PTPRG: variants seen among roughly 807,000 people sequenced by gnomAD.
PTPRG encodes the protein protein tyrosine phosphatase receptor type G, also known as receptor-type tyrosine-protein phosphatase gamma.
In PTPRG, 102 loss-of-function variants were observed where a neutral mutation model predicts 165.3. The observed-to-expected ratio is 0.62, with a 90% confidence interval of 0.53 to 0.73. PTPRG has a LOEUF of 0.73. Ranked by LOEUF, PTPRG falls within the 30% of genes least tolerant of loss-of-function variation. PTPRG has a pLI of 0.00. For missense variants in PTPRG, 1,866 were observed against 1,861.4 expected (o/e 1.00, Z -0.05); for synonymous variants, 675 against 669.5 (o/e 1.01, Z -0.13).
chr3:61,959,117 A>G (rs953016713), intron 2 of PTPRG, among the ~76,000 whole-genome samples: 2 of 152,196 alleles, frequency 1.3e-5, no homozygotes, highest in African/African-American at 4.8e-5. Context: ...GTAATGACTT[A>G]CCAGGAATGC....
At chr3:61,895,933 T>G (rs1321568983) in intron 2 of PTPRG, among the ~76,000 whole-genome samples, 1 of 149,940 alleles carries the variant, frequency 6.7e-6, no homozygotes, top group African/African-American at 2.5e-5. Flanking sequence ...GAGATATCAC[T>G]TATATACTTT....
At chr3:61,949,511 C>T (rs2039845001) in intron 2 of PTPRG, among the ~76,000 whole-genome samples, 2 of 152,042 alleles carry the variant, frequency 1.3e-5, no homozygotes, top group African/African-American at 4.8e-5. Flanking sequence ...CCACATGCCT[C>T]AATGAGGGTC....
chr3:62,040,764 A>G (rs1434524036), intron 4 of PTPRG, among the ~76,000 whole-genome samples: 2 of 152,192 alleles, frequency 1.3e-5, no homozygotes, highest in Non-Finnish European at 2.9e-5. Context: ...TAAGTGGAAA[A>G]TAGAGCACCG....
intron 2 of PTPRG, among the ~76,000 whole-genome samples, chr3:61,882,907 C>T (rs946979616): frequency 3.9e-5 from 6 of 152,198 alleles, no homozygotes; most frequent in Admixed American, 3.9e-4. Context: ...TCCTCTGCTG[C>T]CATCTCAGGC....
intron 2 of PTPRG, among the ~76,000 whole-genome samples, chr3:61,794,240 T>C (rs2034982908): frequency 6.6e-6 from 1 of 152,202 alleles, no homozygotes; most frequent in African/African-American, 2.4e-5. Flanking sequence ...TATGGACTTG[T>C]GTGTGGGGGG....
rs1700337908 is a variant in PTPRG, at chr3:62,210,654, G to T, written c.2155+6704G>T. On this transcript the variant is annotated intron_variant, in intron 12 of 29. Transcript: ENST00000474889. The surrounding 1 kb of genome is among the most constrained non-coding windows in gnomAD (Gnocchi z 4.1). Reference sequence around the variant, plus strand: ...TTTCTTCTGTCTCTGCTACCCCTGAGAGAGCAAGACCAACCCCTTTTCATT... The same window carrying T: ...TTTCTTCTGTCTCTGCTACCCCTGATAGAGCAAGACCAACCCCTTTTCATT... Among the ~76,000 whole-genome samples, 1 of 152,008 alleles carries T rather than the reference G, an allele frequency of 6.6e-6. No homozygotes were observed. Among genetic ancestry groups the T allele is most frequent in the Non-Finnish European group, 1.5e-5 (1 of 68,014 alleles).
intron 2 of PTPRG, among the ~76,000 whole-genome samples, chr3:61,984,919 G>A (rs762078471): frequency 1.3e-5 from 2 of 152,192 alleles, no homozygotes; most frequent in Non-Finnish European, 2.9e-5. Flanking sequence ...ATTTGGGTTT[G>A]TCTGATGTAT....
chr3:61,788,180 G>A lies in PTPRG; in HGVS notation c.190+39198G>A, dbSNP rs563420930. 2.0e-5 allele frequency among the ~76,000 whole-genome samples: 3 copies of A among 152,236 alleles called. No homozygotes were observed. In the East Asian group the frequency reaches 5.8e-4, roughly 29 times the overall value. ...TTTCAGCATCAACGTGTGCTGCATG[G>A]CGTCTTCTAAGTATCAAAGCAGAGA... On this transcript the variant is annotated intron_variant, in intron 2 of 29. Coordinates refer to ENST00000474889, the MANE Select transcript of PTPRG (RefSeq NM_002841.4).
At chr3:62,232,775 T>G (rs927413970) in intron 14 of PTPRG, among the ~76,000 whole-genome samples, 1 of 152,234 alleles carries the variant, frequency 6.6e-6, no homozygotes, top group African/African-American at 2.4e-5. Context: ...ACAATCAGTT[T>G]CATCTAGGTC....
At chr3:61,893,114 G>T (rs745418382) in intron 2 of PTPRG, among the ~76,000 whole-genome samples, 4 of 152,218 alleles carry the variant, frequency 2.6e-5, no homozygotes, top group Non-Finnish European at 5.9e-5. Flanking sequence ...GATGAATGCT[G>T]CTGGGAGCCA....
chr3:61,573,771 T>G (rs1011108538), intron 1 of PTPRG, among the ~76,000 whole-genome samples: 1 of 152,208 alleles, frequency 6.6e-6, no homozygotes, highest in Non-Finnish European at 1.5e-5. Flanking sequence ...TGTCACTGTA[T>G]GTAGTTTCAA....
intron 2 of PTPRG, among the ~76,000 whole-genome samples, chr3:61,839,209 A>G (rs1575708976): frequency 1.3e-5 from 2 of 152,240 alleles, no homozygotes; most frequent in African/African-American, 4.8e-5. Context: ...TGGAGGCAGG[A>G]AAAGCTTATT....
chr3:61,922,664 A>G (rs899356003), intron 2 of PTPRG, among the ~76,000 whole-genome samples: 1 of 152,186 alleles, frequency 6.6e-6, no homozygotes, highest in African/African-American at 2.4e-5. Flanking sequence ...CTTTTGAGGC[A>G]GGCTCTTACT....
chr3:61,919,991 A>G (rs1365056209), intron 2 of PTPRG, among the ~76,000 whole-genome samples: 2 of 152,236 alleles, frequency 1.3e-5, no homozygotes, highest in Non-Finnish European at 2.9e-5. Context: ...CCAGGATTCC[A>G]GGCACTAGTT....
intron 2 of PTPRG, among the ~76,000 whole-genome samples, chr3:61,899,548 GC>G (rs1315288566): frequency 6.6e-6 from 1 of 152,098 alleles, no homozygotes; most frequent in East Asian, 1.9e-4. Context: ...TTTCAGTCTT[GC>G]TTGGAACATT....
chr3:61,860,070 C>T (rs1179861411), intron 2 of PTPRG, among the ~76,000 whole-genome samples: 2 of 152,124 alleles, frequency 1.3e-5, no homozygotes, highest in Admixed American at 6.5e-5. Flanking sequence ...CCTGTTTGTA[C>T]ACCAATCCAT....
At chr3:61,706,314 C>T (rs2031254062) in intron 1 of PTPRG, among the ~76,000 whole-genome samples, 1 of 151,986 alleles carries the variant, frequency 6.6e-6, no homozygotes, top group African/African-American at 2.4e-5. Context: ...AACACTCTGA[C>T]CTATTTCTCT....
intron 1 of PTPRG, among the ~76,000 whole-genome samples, chr3:61,745,120 G>T (rs183365174): frequency 7.1e-6 from 1 of 140,028 alleles, no homozygotes; most frequent in African/African-American, 2.7e-5. Context: ...GCGTGATCTC[G>T]GCTCTCTGCA....
rs779782866 is a variant in PTPRG, at chr3:61,989,657, A to G, written c.223A>G (p.Ser75Gly). The G allele has an allele frequency of 6.2e-6, 10 of 1,613,980 alleles. No homozygotes were observed. In the African/African-American group the frequency reaches 1.3e-4, roughly 22 times the overall value. The change falls in exon 3 of 30, where the codon AGT becomes GGT. Residue 75 changes from serine to glycine, a missense_variant. Coordinates refer to ENST00000474889, the MANE Select transcript of PTPRG (RefSeq NM_002841.4). ...TGGTCCTGAGCACTGGGTCACGTCT[A>G]GTGTCAGCTGTGGGGGCCGTCACCA... Reference protein sequence around the residue: ...AYGPEHWVTSSVSCGGRHQSP... With the variant: ...AYGPEHWVTSGVSCGGRHQSP...
Sources: gnomAD v4.1 joint callset for allele counts (sites outside exome capture counted in the v4.1 genomes callset) on GRCh38, gnomAD v4.1.1 for gene constraint, Gnocchi (gnomAD v3.1) non-coding constraint, MANE v1.5 for transcripts, NCBI Gene and HGNC (gene_info 2026-07-23, HGNC 2026-07-21) for gene names.